The following RBFOX1 variants were observed in gnomAD, a reference collection of about 807,000 sequenced individuals.
RBFOX1 encodes the protein RNA binding fox-1 homolog 1.
A neutral mutation model predicts 57.7 loss-of-function variants in RBFOX1; 8 were observed. That is an observed-to-expected ratio of 0.14 (90% CI 0.08 to 0.25). The LOEUF is 0.25. Among genes scored for constraint, RBFOX1 ranks in the 10% least tolerant of loss-of-function variants. The pLI is 1.00. For missense variants in RBFOX1, 611 were observed against 548.5 expected, an observed-to-expected ratio of 1.11 and a Z score of -1.14; for synonymous variants, 326 against 222.4, an observed-to-expected ratio of 1.47 and a Z score of -4.15.
At chr16:7,471,280 C>A (rs894453154) in intron 4 of RBFOX1, among the ~76,000 whole-genome samples, 9 of 152,118 alleles carry the variant, frequency 5.9e-5, no homozygotes, top group Non-Finnish European at 1.2e-4. Context: ...TAGGCTATTT[C>A]CAACAGAACT....
At chr16:7,332,946 C>T (rs2096718393) in intron 4 of RBFOX1, 1 of 1,611,596 alleles carries the variant, frequency 6.2e-7, no homozygotes, top group Middle Eastern at 2.0e-4. Context: ...TAGATTTCCC[C>T]CTAACTCTCC....
At chr16:6,577,073 C>G (rs1228822700) in intron 2 of RBFOX1, 1 of 152,174 alleles carries the variant, frequency 6.6e-6, no homozygotes, top group Non-Finnish European at 1.5e-5. Flanking sequence ...ATGCTCCAAA[C>G]TTCTTTATTC....
At position 6,666,729 on chromosome 16, in the gene RBFOX1, C is replaced by G. The variant is rs149302209; in HGVS notation, c.-16+12079C>G. 3.3e-5 allele frequency among the ~76,000 whole-genome samples: 5 copies of G among 152,230 alleles called. No homozygotes were observed. In the East Asian group the frequency reaches 9.7e-4, roughly 29 times the overall value. ...CTCCTCATGCTCAGGGCCTGACACA[C>G]AGGTAAACGGTGACTTACGAGAGTT... On this transcript the variant is annotated intron_variant, in intron 3 of 15. Coordinates refer to ENST00000550418, the MANE Select transcript of RBFOX1 (RefSeq NM_018723.4).
intron 4 of RBFOX1, among the ~76,000 whole-genome samples, chr16:7,470,540 G>A (rs1042867160): frequency 5.9e-5 from 9 of 151,782 alleles, no homozygotes; most frequent in Non-Finnish European, 1.0e-4. Context: ...TAGATGAGTG[G>A]GTGGATGGGT....
At chr16:6,917,179 TGA>T (rs2073385554) in intron 3 of RBFOX1, among the ~76,000 whole-genome samples, 1 of 152,166 alleles carries the variant, frequency 6.6e-6, no homozygotes, top group African/African-American at 2.4e-5. Context: ...CAGAGCAGAC[TGA>T]GTTTCTGTTC....
At chr16:5,894,696 C>A (rs1455007592) in intron 4 of RBFOX1, among the ~76,000 whole-genome samples, 2 of 152,134 alleles carry the variant, frequency 1.3e-5, no homozygotes, top group African/African-American at 4.8e-5. Context: ...ACCATGTTAT[C>A]TATATTGCAC....
intron 3 of RBFOX1, among the ~76,000 whole-genome samples, chr16:6,845,623 C>T (rs1288037449): frequency 3.9e-5 from 6 of 151,956 alleles, no homozygotes; most frequent in African/African-American, 1.2e-4. Context: ...TTTATCAGGA[C>T]ACTATCACTT....
At chr16:6,643,741 C>T (rs1003967219) in intron 2 of RBFOX1, among the ~76,000 whole-genome samples, 1 of 152,110 alleles carries the variant, frequency 6.6e-6, no homozygotes, top group Non-Finnish European at 1.5e-5. Flanking sequence ...CTCTAAAACT[C>T]AGTTTTTTCA....
At chr16:6,899,231 G>A (rs371522533) in intron 3 of RBFOX1, among the ~76,000 whole-genome samples, 23 of 151,982 alleles carry the variant, frequency 1.5e-4, no homozygotes, top group East Asian at 1.4e-3. Context: ...GTGTGGATGC[G>A]TGTCCATGTG....
intron 2 of RBFOX1, among the ~76,000 whole-genome samples, chr16:6,630,083 T>C (rs1221539264): frequency 6.6e-6 from 1 of 152,076 alleles, no homozygotes; most frequent in Non-Finnish European, 1.5e-5. Flanking sequence ...AAGAGGGTTT[T>C]CAAATCCCTC....
At chr16:7,692,166 TAAGGA>T (rs2077492896) in intron 14 of RBFOX1, among the ~76,000 whole-genome samples, 1 of 152,148 alleles carries the variant, frequency 6.6e-6, no homozygotes, top group East Asian at 1.9e-4. Flanking sequence ...TTTATTGTCT[TAAGGA>T]AAGTGATAAA....
At chr16:6,433,251 A>C (rs958523457) in intron 2 of RBFOX1, among the ~76,000 whole-genome samples, 2 of 152,208 alleles carry the variant, frequency 1.3e-5, no homozygotes, top group African/African-American at 4.8e-5. Context: ...AGTCATAGAG[A>C]AAGACAAGAG....
chr16:7,036,716 A>T (rs1353838023), intron 3 of RBFOX1, among the ~76,000 whole-genome samples: 1 of 123,320 alleles, frequency 8.1e-6, no homozygotes, highest in African/African-American at 2.5e-5. Context: ...CAAACAAAAA[A>T]AACAAAAAAC....
intron 4 of RBFOX1, among the ~76,000 whole-genome samples, chr16:7,471,233 C>T (rs1467171960): frequency 6.6e-6 from 1 of 152,134 alleles, no homozygotes; most frequent in South Asian, 2.1e-4. Context: ...AAGTTAACAC[C>T]ACTTAACTGT....
chr16:7,308,434 C>T (rs969516606), intron 4 of RBFOX1, among the ~76,000 whole-genome samples: 1 of 152,124 alleles, frequency 6.6e-6, no homozygotes, highest in East Asian at 1.9e-4. Context: ...GCCCTATCCA[C>T]TGAGAACCTT....
chr16:5,368,979 T>C (rs939370719), intron 1 of RBFOX1, among the ~76,000 whole-genome samples: 15 of 152,320 alleles, frequency 9.8e-5, no homozygotes, highest in African/African-American at 2.6e-4. Flanking sequence ...TTCAAAAGCA[T>C]TGAAGAAATG....
chr16:7,379,172 C>T (rs2097740751), intron 4 of RBFOX1, among the ~76,000 whole-genome samples: 1 of 152,130 alleles, frequency 6.6e-6, no homozygotes, highest in African/African-American at 2.4e-5. Flanking sequence ...TCTCTTTCCT[C>T]TCAAGGTTAA....
chr16:5,296,661 AT>A (rs1030522399), intron 1 of RBFOX1, among the ~76,000 whole-genome samples: 2 of 134,384 alleles, frequency 1.5e-5, no homozygotes, highest in African/African-American at 2.8e-5. Context: ...GCCAACCACC[AT>A]TTTTTTTTCT....
chr16:5,898,895 AT>A (rs2058233760), intron 4 of RBFOX1, among the ~76,000 whole-genome samples: 1 of 128,112 alleles, frequency 7.8e-6, no homozygotes, highest in South Asian at 2.2e-4. Context: ...CTCCATCTCT[AT>A]TAAAAAAAAA....
Sources: allele counts gnomAD v4.1 joint callset (sites outside exome capture counted in the v4.1 genomes callset), GRCh38; gene constraint gnomAD v4.1.1; transcripts MANE v1.5; gene names NCBI Gene and HGNC (gene_info 2026-07-23, HGNC 2026-07-21).